Variants in KIF14 observed in about 807,000 individuals in gnomAD.
The protein encoded by KIF14 is kinesin-like protein KIF14.
A neutral mutation model predicts 176.2 loss-of-function variants in KIF14; 98 were observed. The observed-to-expected ratio is 0.56, with a 90% CI of 0.47 to 0.66. The LOEUF (loss-of-function observed/expected upper bound fraction) is 0.66, where lower values mean the gene tolerates loss of function less well. KIF14 is among the 30% of genes least tolerant of loss of function. The pLI is 0.00. For missense variants in KIF14, 1,751 were observed against 1,920.4 expected, an observed-to-expected ratio of 0.91 and a Z score of 1.65; for synonymous variants, 566 against 632.2, an observed-to-expected ratio of 0.90 and a Z score of 1.57.
chr1:200,588,256 T>A (rs536551056), intron 18 of KIF14, among the ~76,000 whole-genome samples: 5 of 151,390 alleles, frequency 3.3e-5, no homozygotes, highest in Non-Finnish European at 7.4e-5. Context: ...TTGTTTTTTT[T>A]TTTTTGACAG....
In KIF14 at chr1:200,560,783, A is replaced by G; in HGVS notation, c.4169T>C (p.Val1390Ala). 6.2e-7 allele frequency: 1 copy of G among 1,614,174 alleles called. No individual in the cohort carries two copies. ...QAVKYVGQLA[V>A]LKGSKLHFLE... ...AAAATGTAGCTTGCTCCCTTTCAGA[A>G]CTGCTAACTGCCCCACATACTTTAC... The change falls in exon 26 of 30, where the codon GTT (valine) becomes GCT (alanine). Residue 1390 changes from valine to alanine, a missense_variant. By Grantham distance (64) the Val-to-Ala change is moderately conservative (BLOSUM62 0). Transcript: ENST00000367350.
In KIF14 at chr1:200,606,816, A is replaced by T; in HGVS notation, c.1555-18T>A. 6.3e-7 allele frequency: 1 copy of T among 1,591,842 alleles called. No homozygotes were observed. The highest frequency in any genetic ancestry group is 8.6e-7 in the Non-Finnish European group (1 of 1,160,376). ...ACTCTCAGCTAGAAGAAGCAAATAC[A>T]TGCATCATTAGGAGTATGACAAATA... On this transcript the variant is annotated intron_variant, in intron 5 of 29. Coordinates refer to ENST00000367350, the MANE Select transcript of KIF14 (RefSeq NM_014875.3).
In KIF14 at chr1:200,575,632, G is replaced by A. The variant is rs548095378; in HGVS notation, c.3525C>T (p.Pro1175=). 6.9e-6 allele frequency: 11 copies of A among 1,588,334 alleles called. No homozygotes were observed. Among genetic ancestry groups the A allele is most frequent in the East Asian group, 2.2e-5 (1 of 44,604 alleles). The part of the protein sequence containing the change: ...AFCDPEDEWE[P]DITDAPVSSL... ...AAGAAACTGGTGCATCTGTAATGTC[G>A]GGTTCCCATTCATCTTCAGGATCAC... is the stretch of plus-strand genomic sequence containing the variant. Residue 1175 remains proline (P), a synonymous_variant, in exon 22 of 30, where the codon CCC becomes CCT. Coordinates refer to ENST00000367350, the MANE Select transcript of KIF14 (RefSeq NM_014875.3).
chr1:200,568,134 C>G (rs76074256), intron 23 of KIF14, among the ~76,000 whole-genome samples: 3 of 152,146 alleles, frequency 2.0e-5, no homozygotes, highest in African/African-American at 7.2e-5. Flanking sequence ...CACCCCCAGG[C>G]CTGGTCCCCC....
chr1:200,600,511 T>A lies in KIF14; in HGVS notation c.2153-8A>T. 6.2e-7 allele frequency: 1 copy of A among 1,600,410 alleles called. No individual in the cohort carries two copies. The highest frequency in any genetic ancestry group is 8.6e-7 in the Non-Finnish European group (1 of 1,168,028). ...CAATTTCTGCCTTCAATTCTGAAGA[T>A]TTATACAAAGATGCATTAATAATAA... On this transcript the variant is annotated splice_polypyrimidine_tract_variant and splice_region_variant and intron_variant, in intron 11 of 29. Coordinates refer to ENST00000367350, the MANE Select transcript of KIF14 (RefSeq NM_014875.3).
rs1659750042 is a variant in KIF14, at chr1:200,603,910, G to A, written c.1792C>T (p.Arg598Ter). ...CCTGCCAGATCTATTAGGTTAATTC[G>A]ACTTGTTATTCTGTGATCGTGTTCT... ...GEEHDHRITS[R>*]INLIDLAGSE... The change falls in exon 9 of 30, where the codon CGA (arginine) becomes TGA (stop). Residue 598 changes from arginine to a stop codon, truncating the protein, a stop_gained. Coordinates refer to ENST00000367350, the MANE Select transcript of KIF14 (RefSeq NM_014875.3). LOFTEE classifies it high-confidence loss of function. 4 of 1,613,520 alleles carry A rather than the reference G, an allele frequency of 2.5e-6. No individual in the cohort carries two copies. Among genetic ancestry groups the A allele is most frequent in the South Asian group, 1.1e-5 (1 of 91,050 alleles).
At chr1:200,586,334 C>G (rs1459951569) in intron 18 of KIF14, 107 bp from the exon 19 acceptor site, 1 of 931,130 alleles carries the variant, frequency 1.1e-6, no homozygotes, top group Non-Finnish European at 1.5e-6. Context: ...ACTACAGTAA[C>G]CATTTTACAA....
chr1:200,575,738 A>G, intron 21 of KIF14, 47 bp from the exon 22 acceptor site: 1 of 1,101,736 alleles, frequency 9.1e-7, no homozygotes, highest in Non-Finnish European at 1.3e-6. Flanking sequence ...GGGTGAAAAA[A>G]TGTTTAGCAA....
chr1:200,556,517 C>G (rs138207862), intron 27 of KIF14, among the ~76,000 whole-genome samples: 1 of 152,072 alleles, frequency 6.6e-6, no homozygotes, highest in Non-Finnish European at 1.5e-5. Flanking sequence ...GTTTGTCATA[C>G]TATAGAAAGA....
chr1:200,553,687 T>C lies in KIF14; in HGVS notation c.4648A>G (p.Ser1550Gly). Residue 1550 changes from serine to glycine, a missense_variant, in exon 30 of 30, where the codon AGT becomes GGT. Coordinates refer to ENST00000367350, the MANE Select transcript of KIF14 (RefSeq NM_014875.3). ...CTGCCAACAGAAGTAGAAGGCACAC[T>C]GAAGTCACTGTAAAAATCACTGGCC... is the stretch of plus-strand genomic sequence containing the variant. Reference protein sequence around the residue: ...NLASDFYSDFSVPSTSVGSYE... With the variant: ...NLASDFYSDFGVPSTSVGSYE... 1 of 1,613,716 alleles carries C rather than the reference T, an allele frequency of 6.2e-7. No homozygotes were observed. Among genetic ancestry groups the C allele is most frequent in the Non-Finnish European group, 8.5e-7 (1 of 1,179,724 alleles).
rs1658818966 is a variant in KIF14 at position 200,587,541 on chromosome 1, G to A, written c.3115-1314C>T. Among the ~76,000 whole-genome samples, 4 of 152,090 alleles carry A rather than the reference G, an allele frequency of 2.6e-5. No homozygotes were observed. In the South Asian group the frequency reaches 8.3e-4, roughly 31 times the overall value. On this transcript the variant is annotated intron_variant, in intron 18 of 29. Transcript: ENST00000367350. ...AATAATAATTGTTTTGGGGCCGGGT[G>A]CGGTGGCTCATGCCTATAATCCCAG...
intron 16 of KIF14, among the ~76,000 whole-genome samples, 185 bp downstream of exon 16, chr1:200,591,895 C>T (rs967591953): frequency 2.0e-5 from 3 of 152,150 alleles, no homozygotes; most frequent in African/African-American, 7.2e-5. Flanking sequence ...GCATTTGGTA[C>T]AGTGACAGAC....
chr1:200,608,872 G>C lies in KIF14; in HGVS notation c.1512C>G (p.Asp504Glu). Reference protein sequence around the residue: ...FFEVYNEKIHDLLVCKDENGQ... With the variant: ...FFEVYNEKIHELLVCKDENGQ... ...CATTTTCATCTTTACAAACCAGAAG[G>C]TCGTGAATTTTTTCATTATATACTT... is the stretch of plus-strand genomic sequence containing the variant. Residue 504 changes from aspartate to glutamate, a missense_variant, in exon 5 of 30, where the codon GAC (aspartate) becomes GAG (glutamate). Coordinates refer to ENST00000367350, the MANE Select transcript of KIF14 (RefSeq NM_014875.3). 1 of 1,610,760 alleles carries C rather than the reference G, an allele frequency of 6.2e-7. No individual in the cohort carries two copies. The highest frequency in any genetic ancestry group is 8.5e-7 in the Non-Finnish European group (1 of 1,177,330).
intron 16 of KIF14, among the ~76,000 whole-genome samples, chr1:200,590,639 G>A (rs944751447): frequency 6.6e-6 from 1 of 152,200 alleles, no homozygotes; most frequent in African/African-American, 2.4e-5. Context: ...TAGGGAGAGA[G>A]GAGAATGGCT....
intron 18 of KIF14, 59 bp downstream of exon 18, chr1:200,589,158 G>T: frequency 7.4e-7 from 1 of 1,350,882 alleles, no homozygotes; most frequent in South Asian, 1.4e-5. Flanking sequence ...CCACTTCTTT[G>T]AAAAAAAAAA....
intron 14 of KIF14, among the ~76,000 whole-genome samples, 158 bp from the exon 15 acceptor site, chr1:200,593,927 G>GTTTTTTTTTTTTT (rs57476742): frequency 2.0e-5 from 2 of 100,528 alleles, no homozygotes; most frequent in Admixed American, 1.4e-4. Context: ...CCTCCAACTA[G>GTTTTTTTTTTTTT]TTTTTTTTTT....
At chr1:200,560,288 T>TC (rs1657063772) in intron 26 of KIF14, among the ~76,000 whole-genome samples, 1 of 151,890 alleles carries the variant, frequency 6.6e-6, no homozygotes, top group African/African-American at 2.4e-5. Context: ...TGGGTTTTTT[T>TC]TGAGATGGAG....
At chr1:200,561,677 CT>C (rs1159846785) in intron 25 of KIF14, among the ~76,000 whole-genome samples, 5 of 151,994 alleles carry the variant, frequency 3.3e-5, no homozygotes, top group Non-Finnish European at 7.4e-5. Context: ...ACATCTGTGG[CT>C]GCTAAAGGTG....
intron 19 of KIF14, among the ~76,000 whole-genome samples, chr1:200,584,703 C>T (rs1212902096): frequency 1.3e-5 from 2 of 152,142 alleles, no homozygotes; most frequent in Admixed American, 6.5e-5. Flanking sequence ...GAATGTACCT[C>T]AACATAATAA....
Sources: gnomAD v4.1 joint callset for allele counts (sites outside exome capture counted in the v4.1 genomes callset) on GRCh38, gnomAD v4.1.1 for gene constraint, MANE v1.5 for transcripts, NCBI Gene and HGNC (gene_info 2026-07-23, HGNC 2026-07-21) for gene names.